Variants in STARD3NL observed in about 807,000 individuals in gnomAD.
The protein encoded by STARD3NL is STARD3 N-terminal-like protein.
STARD3NL carries 17 observed loss-of-function variants against 30.9 expected under a neutral mutation model. That is an observed-to-expected ratio of 0.55 (90% CI 0.38 to 0.82). The LOEUF (loss-of-function observed/expected upper bound fraction) is 0.82. Among genes scored for constraint, STARD3NL ranks in the 40% least tolerant of loss-of-function variants. The pLI is 0.00. For missense variants in STARD3NL, 234 were observed against 277.6 expected (o/e 0.84, Z 1.12); for synonymous variants, 112 against 100.5 (o/e 1.11, Z -0.69).
At chr7:38,184,671 AC>A (rs1784387118) in intron 1 of STARD3NL, among the ~76,000 whole-genome samples, 1 of 146,104 alleles carries the variant, frequency 6.8e-6, no homozygotes, top group African/African-American at 2.5e-5. Context: ...TATAATATAT[AC>A]TATATATATA....
intron 1 of STARD3NL, among the ~76,000 whole-genome samples, chr7:38,204,892 T>A (rs1289353371): frequency 6.6e-6 from 1 of 151,978 alleles, no homozygotes; most frequent in Non-Finnish European, 1.5e-5. Context: ...CTAGAAGAAA[T>A]GGATAAATTC....
At chr7:38,200,298 C>T (rs1785115359) in intron 1 of STARD3NL, among the ~76,000 whole-genome samples, 1 of 152,122 alleles carries the variant, frequency 6.6e-6, no homozygotes, top group South Asian at 2.1e-4. Flanking sequence ...AAATGTATCA[C>T]CTGGCTGAAT....
chr7:38,193,053 A>C (rs1186037670), intron 1 of STARD3NL, among the ~76,000 whole-genome samples: 1 of 152,166 alleles, frequency 6.6e-6, no homozygotes, highest in Admixed American at 6.5e-5. Context: ...CCACATTTTA[A>C]GAGAGTGAAA....
chr7:38,224,611 C>T (rs1786652257), intron 7 of STARD3NL, among the ~76,000 whole-genome samples: 1 of 152,176 alleles, frequency 6.6e-6, no homozygotes, highest in Non-Finnish European at 1.5e-5. Flanking sequence ...ATCCCTCTGT[C>T]CAGCAGATCC....
intron 1 of STARD3NL, among the ~76,000 whole-genome samples, chr7:38,205,811 C>G (rs537696236): frequency 7.2e-5 from 11 of 152,280 alleles, no homozygotes; most frequent in Admixed American, 6.5e-4. Context: ...CCTAAATATG[C>G]CCTCTACCCT....
intron 6 of STARD3NL, 68 bp downstream of exon 6, chr7:38,217,373 T>G: frequency 2.7e-6 from 4 of 1,485,698 alleles, no homozygotes; most frequent in South Asian, 1.2e-5. Flanking sequence ...GAGATGTGGT[T>G]TCTTGGTGTG....
intron 1 of STARD3NL, among the ~76,000 whole-genome samples, chr7:38,183,318 A>T (rs138186037): frequency 1.3e-5 from 2 of 152,268 alleles, no homozygotes; most frequent in East Asian, 3.9e-4. Flanking sequence ...TAGGCTGGGT[A>T]ATTCTTTGTT....
At chr7:38,203,151 C>T (rs900921202) in intron 1 of STARD3NL, among the ~76,000 whole-genome samples, 41 of 152,172 alleles carry the variant, frequency 2.7e-4, no homozygotes, top group African/African-American at 9.9e-4. Flanking sequence ...AGATACTCCT[C>T]GAGAAGAGCA....
At chr7:38,179,158 C>G (rs949339748) in intron 1 of STARD3NL, 8 of 152,310 alleles carry the variant, frequency 5.3e-5, no homozygotes, top group Middle Eastern at 6.8e-3. Flanking sequence ...AACCAAGTAA[C>G]GGGTCTAATT....
At chr7:38,205,398 A>G (rs1785403349) in intron 1 of STARD3NL, among the ~76,000 whole-genome samples, 1 of 152,160 alleles carries the variant, frequency 6.6e-6, no homozygotes, top group Non-Finnish European at 1.5e-5. Context: ...AGAGTTCTGA[A>G]CATACTGTGT....
chr7:38,207,876 C>T (rs1389948174), intron 2 of STARD3NL, 147 bp downstream of exon 2: 1 of 744,814 alleles, frequency 1.3e-6, no homozygotes, highest in Non-Finnish European at 2.1e-6. Context: ...CTGATTTGGA[C>T]CTTTCTTGTT....
chr7:38,191,965 G>A (rs1036194838), intron 1 of STARD3NL, among the ~76,000 whole-genome samples: 1 of 151,684 alleles, frequency 6.6e-6, no homozygotes, highest in African/African-American at 2.4e-5. Context: ...CTGTAGATCA[G>A]TTTGAGGAGA....
intron 4 of STARD3NL, 114 bp downstream of exon 4, chr7:38,215,219 A>T: frequency 2.2e-6 from 2 of 914,884 alleles, no homozygotes; most frequent in African/African-American, 1.7e-5. Context: ...GAATCCCACC[A>T]GCTTTCCTGA....
At chr7:38,217,673 A>T (rs1405850533) in intron 6 of STARD3NL, among the ~76,000 whole-genome samples, 1 of 152,220 alleles carries the variant, frequency 6.6e-6, no homozygotes, top group Non-Finnish European at 1.5e-5. Flanking sequence ...TGTAAACAGA[A>T]CTGTGCTGTT....
chr7:38,192,397 A>G (rs1172978311), intron 1 of STARD3NL, among the ~76,000 whole-genome samples: 1 of 152,226 alleles, frequency 6.6e-6, no homozygotes, highest in Non-Finnish European at 1.5e-5. Flanking sequence ...AGAGAGGGTT[A>G]GAAGAGTAAG....
chr7:38,182,094 G>A (rs544708896), intron 1 of STARD3NL, among the ~76,000 whole-genome samples: 1 of 152,224 alleles, frequency 6.6e-6, no homozygotes, highest in South Asian at 2.1e-4. Context: ...ACATACACAG[G>A]TGTTAAAATA....
chr7:38,198,325 G>GC (rs1449012006), intron 1 of STARD3NL: 5 of 152,296 alleles, frequency 3.3e-5, no homozygotes, highest in African/African-American at 1.2e-4. Flanking sequence ...GAGAGTGCGT[G>GC]CCCCACTGAA....
rs953239192 is a variant in STARD3NL, at chr7:38,214,975, G to T, written c.304-53G>T. On this transcript the variant is annotated intron_variant, in intron 3 of 8. Transcript: ENST00000009041. Reference sequence around the variant, plus strand: ...AGTCTGGTGAGTTTTTCATAAAGCTGTGTCATTTTTGTATATATTTTTTAA... The same window carrying T: ...AGTCTGGTGAGTTTTTCATAAAGCTTTGTCATTTTTGTATATATTTTTTAA... 7.9e-6 allele frequency: 12 copies of T among 1,510,940 alleles called. No homozygotes were observed. The African/African-American group carries it at 1.5e-4, about 19-fold the overall frequency. 93.6% of individuals were successfully genotyped at this position (1,510,940 alleles called of 1,614,324 possible).
chr7:38,187,892 G>C (rs1784526026), intron 1 of STARD3NL, among the ~76,000 whole-genome samples: 1 of 152,010 alleles, frequency 6.6e-6, no homozygotes, highest in South Asian at 2.1e-4. Flanking sequence ...TCTAAATTTT[G>C]CAGTTCTGTT....
Sources: gnomAD v4.1 joint callset for allele counts (sites outside exome capture counted in the v4.1 genomes callset) on GRCh38, gnomAD v4.1.1 for gene constraint, MANE v1.5 for transcripts, NCBI Gene and HGNC (gene_info 2026-07-23, HGNC 2026-07-21) for gene names.